Variants in ABCA7 observed in about 807,000 individuals in gnomAD.
The protein encoded by ABCA7 is phospholipid-transporting ATPase ABCA7.
In ABCA7, 261 loss-of-function variants were observed where a neutral mutation model predicts 227.6. The observed-to-expected ratio is 1.15, with a 90% CI of 1.04 to 1.27. The LOEUF (loss-of-function observed/expected upper bound fraction) is 1.27, where lower values mean the gene tolerates loss of function less well. Ranked by LOEUF, ABCA7 falls within the 50% of genes most tolerant of loss-of-function variation. The pLI, the probability that ABCA7 is intolerant of heterozygous loss-of-function variation, is 0.00. For synonymous variants in ABCA7, 1,488 were observed against 1,279.7 expected (o/e 1.16, Z -3.47); for missense variants, 3,331 against 2,924.5 (o/e 1.14, Z -3.21).
rs1406242471 is a variant in ABCA7 at position 1,042,379 on chromosome 19, G to A, written c.480G>A (p.Leu160=). 4.4e-6 allele frequency: 7 copies of A among 1,607,334 alleles called. No individual in the cohort carries two copies. ...EPPMLDVAEL[L]TSLLRTESLG... ...CCATGCTGGATGTCGCGGAGCTGCT[G>A]ACGTCACTGCTGCGCACGGTAGGGT... is the stretch of plus-strand genomic sequence containing the variant. The change falls in exon 6 of 47, where the codon CTG becomes CTA. Residue 160 remains leucine (L), a synonymous_variant. Transcript: ENST00000263094.
intron 13 of ABCA7, 80 bp from the exon 14 acceptor site, chr19:1,046,722 G>A: frequency 7.1e-7 from 1 of 1,404,362 alleles, no homozygotes; most frequent in Non-Finnish European, 9.6e-7. Context: ...CCCGGGACAC[G>A]AACCAGTCGT....
In ABCA7 at chr19:1,041,978, C is replaced by A; in HGVS notation, c.302+6C>A. ...AGCAACTTCAACGACTCCCTGTGAG[C>A]CAGAGGCAGTGGGTGCGGCCGGCCT... On this transcript the variant is annotated splice_donor_region_variant and intron_variant, in intron 4 of 46. Transcript: ENST00000263094. 6.3e-7 allele frequency: 1 copy of A among 1,581,256 alleles called. No homozygotes were observed. The highest frequency in any genetic ancestry group is 8.6e-7 in the Non-Finnish European group (1 of 1,169,344).
chr19:1,062,629 AC>A (rs1395057206), intron 42 of ABCA7, among the ~76,000 whole-genome samples: 1 of 149,440 alleles, frequency 6.7e-6, no homozygotes, highest in Non-Finnish European at 1.5e-5. Context: ...TCTTCTGCCT[AC>A]CCCCTAGGGC....
Position 1,052,234 on chromosome 19 carries a change from C to T in ABCA7, c.3168C>T (p.Gly1056=), listed in dbSNP as rs903511142. The change falls in exon 23 of 47, where the codon GGC becomes GGT. Residue 1056 remains glycine (G), a synonymous_variant. Transcript: ENST00000263094. ...CGCAGGCTGACACTGACATGGAGGG[C>T]AGTGTGGACACCAGGCAGGAAAAGA... is the stretch of plus-strand genomic sequence containing the variant. ...TNEKADTDME[G]SVDTRQEKKN... 9 of 1,570,072 alleles carry T rather than the reference C, an allele frequency of 5.7e-6. No individual in the cohort carries two copies. The highest frequency in any genetic ancestry group is 7.8e-6 in the Non-Finnish European group (9 of 1,158,660).
In ABCA7 at chr19:1,051,269, G is replaced by A; in HGVS notation, c.2799G>A (p.Gln933=). The change falls in exon 20 of 47, where the codon CAG becomes CAA. Residue 933 remains glutamine (Q), a synonymous_variant. Transcript: ENST00000263094. ...LLQDVGLVSK[Q]SVQTRHLSGG... ...AGGATGTGGGGCTGGTCTCCAAGCAGAGTGTGCAGACTCGCCACCTCTCTG... is the reference window on the plus strand; with the variant it reads ...AGGATGTGGGGCTGGTCTCCAAGCAAAGTGTGCAGACTCGCCACCTCTCTG... 6.2e-7 allele frequency: 1 copy of A among 1,606,024 alleles called. No homozygotes were observed. The highest frequency in any genetic ancestry group is 8.5e-7 in the Non-Finnish European group (1 of 1,177,206).
Position 1,065,400 on chromosome 19 carries a change from C to T in ABCA7, c.6416C>T (p.Pro2139Leu), listed in dbSNP as rs747901450. ...CGCGTCAGCCAGTTCCTCGATGACC[C>T]TAGCACTGCCGAGACTGTGCTCTGA... ...PKRVSQFLDDPSTAETVL is the reference protein window; with the variant it reads ...PKRVSQFLDDLSTAETVL Residue 2139 changes from proline to leucine, a missense_variant, in exon 47 of 47, where the codon CCT (proline) becomes CTT (leucine). By Grantham distance (98) the Pro-to-Leu change is moderately conservative (BLOSUM62 -3). Transcript: ENST00000263094. The T allele has an allele frequency of 1.2e-6, 2 of 1,613,458 alleles. No homozygotes were observed. The highest frequency in any genetic ancestry group is 1.7e-6 in the Non-Finnish European group (2 of 1,179,936).
At position 1,058,296 on chromosome 19, in the gene ABCA7, A is replaced by G. The variant is rs377441347; in HGVS notation, c.5149+27A>G. 1.4e-4 allele frequency: 230 copies of G among 1,611,460 alleles called. No individual in the cohort carries two copies. The African/African-American group carries it at 2.7e-3, about 19-fold the overall frequency. On this transcript the variant is annotated intron_variant, in intron 37 of 46. Transcript: ENST00000263094. ...TGAGAACTTCCTGTCAGGTGGGGCC[A>G]TGGCTACAGATAGCTAGCACCCTTG...
chr19:1,044,638 T>C lies in ABCA7; in HGVS notation c.1109T>C (p.Met370Thr), dbSNP rs747465627. 2 of 1,613,188 alleles carry C rather than the reference T, an allele frequency of 1.2e-6. No homozygotes were observed. The highest frequency in any genetic ancestry group is 1.6e-4 in the Middle Eastern group (1 of 6,062). ...CCCAGACCTGGAGGCCGGGACCACA[T>C]GGAGGCCCTGCGATCCTTTCTGGAC... ...RQPRPGGRDHMEALRSFLDPG... is the reference protein window; with the variant it reads ...RQPRPGGRDHTEALRSFLDPG... The change falls in exon 11 of 47, where the codon ATG becomes ACG. Residue 370 changes from methionine (M) to threonine (T), a missense_variant. Coordinates refer to ENST00000263094, the MANE Select transcript of ABCA7 (RefSeq NM_019112.4).
chr19:1,045,425 G>C (rs1162641998), intron 12 of ABCA7, 194 bp downstream of exon 12: 3 of 620,892 alleles, frequency 4.8e-6, no homozygotes, highest in Admixed American at 3.0e-5. Context: ...CTAGGTGCAT[G>C]AGGGGCGTGG....
At position 1,050,986 on chromosome 19, in the gene ABCA7, G is replaced by T. The variant is rs568769264; in HGVS notation, c.2618G>T (p.Arg873Leu). Residue 873 changes from arginine to leucine, a missense_variant, in exon 19 of 47, where the codon CGC (arginine) becomes CTC (leucine). Physicochemically the swap from Arg to Leu is moderately radical, Grantham distance 102. Transcript: ENST00000263094. ...GCCTTCATCCTGGGCCACGACGTCCGCTCCAGCATGGCCGCCATCCGGCCC... is the reference window on the plus strand; with the variant it reads ...GCCTTCATCCTGGGCCACGACGTCCTCTCCAGCATGGCCGCCATCCGGCCC... ...GSAFILGHDV[R>L]SSMAAIRPHL... 6 of 1,612,258 alleles carry T rather than the reference G, an allele frequency of 3.7e-6. No individual in the cohort carries two copies. The highest frequency in any genetic ancestry group is 4.2e-6 in the Non-Finnish European group (5 of 1,179,748).
At chr19:1,055,988 G>A in intron 31 of ABCA7, 49 bp downstream of exon 31, 3 of 1,563,734 alleles carry the variant, frequency 1.9e-6, no homozygotes, top group Non-Finnish European at 2.6e-6. Context: ...CCACTCCCAT[G>A]CCCTCTGCCT....
chr19:1,042,102 G>T lies in ABCA7; in HGVS notation c.341G>T (p.Gly114Val). Residue 114 changes from glycine (G) to valine (V), a missense_variant, in exon 5 of 47, where the codon GGA (glycine) becomes GTA (valine). Transcript: ENST00000263094. ...CTAGCCGATGCCCGCACTGTGCTGG[G>T]AGGGGCCAGTGCCCACAGGACGCTG... ...RLLADARTVL[G>V]GASAHRTLAG... 6.3e-7 allele frequency: 1 copy of T among 1,598,540 alleles called. No homozygotes were observed. Among genetic ancestry groups the T allele is most frequent in the East Asian group, 2.2e-5 (1 of 44,704 alleles).
chr19:1,065,112 G>A lies in ABCA7; in HGVS notation c.6226G>A (p.Val2076Met). ...GGCGCGCGTCTTTGGAGAGCTGGCG[G>A]TGCACGGCGCAGAGCACGGCGTGGA... ...ALARVFGELA[V>M]HGAEHGVEDF... Residue 2076 changes from valine (V) to methionine (M), a missense_variant, in exon 46 of 47, where the codon GTG becomes ATG. By Grantham distance (21) the Val-to-Met change is conservative. Transcript: ENST00000263094. The A allele has an allele frequency of 6.3e-7, 1 of 1,588,822 alleles. No homozygotes were observed. The highest frequency in any genetic ancestry group is 8.6e-7 in the Non-Finnish European group (1 of 1,167,886).
chr19:1,045,445 T>A (rs1035853156), intron 12 of ABCA7: 14 of 586,028 alleles, frequency 2.4e-5, no homozygotes, highest in Non-Finnish European at 6.1e-6. Context: ...GCCATGGGCC[T>A]GAGATAAGAT....
intron 25 of ABCA7, 80 bp downstream of exon 25, chr19:1,053,916 G>A: frequency 6.3e-7 from 1 of 1,595,470 alleles, no homozygotes; most frequent in East Asian, 2.2e-5. Flanking sequence ...GCTTAGTGTG[G>A]CCCAAGGCAT....
chr19:1,040,339 C>T (rs2144656832), intron 1 of ABCA7, 143 bp downstream of exon 1: 1 of 152,374 alleles, frequency 6.6e-6, no homozygotes, highest in Non-Finnish European at 1.5e-5. Context: ...GAATTGATCA[C>T]TGATTCTCAA....
In ABCA7 at chr19:1,056,253, G is replaced by T. The variant is rs562904113; in HGVS notation, c.4416+10G>T. On this transcript the variant is annotated intron_variant, in intron 32 of 46. Coordinates refer to ENST00000263094, the MANE Select transcript of ABCA7 (RefSeq NM_019112.4). The surrounding 1 kb of genome is among the most constrained non-coding windows in gnomAD (Gnocchi z 4.3). ...TCAGGACAGTCTCAAGGTGGGAACTGGGGGGGCAGGTGGGCGTCCTGTCAC... is the reference window on the plus strand; with the variant it reads ...TCAGGACAGTCTCAAGGTGGGAACTTGGGGGGCAGGTGGGCGTCCTGTCAC... The T allele has an allele frequency of 2.5e-6, 4 of 1,588,180 alleles. No homozygotes were observed. Among genetic ancestry groups the T allele is most frequent in the South Asian group, 1.1e-5 (1 of 89,070 alleles).
chr19:1,050,791 T>TAATAAC (rs1183013638), intron 18 of ABCA7, 130 bp from the exon 19 acceptor site: 1 of 158,456 alleles, frequency 6.3e-6, no homozygotes, highest in East Asian at 1.2e-4. Context: ...AAAATAATAA[T>TAATAAC]AATAATAATA....
intron 45 of ABCA7, among the ~76,000 whole-genome samples, 186 bp downstream of exon 45, chr19:1,064,439 A>G (rs1208829554): frequency 6.6e-6 from 1 of 152,086 alleles, no homozygotes; most frequent in Non-Finnish European, 1.5e-5. Context: ...CTGGGGGCGC[A>G]GGACCAGGAG....
Sources: allele counts gnomAD v4.1 joint callset (sites outside exome capture counted in the v4.1 genomes callset), GRCh38; gene constraint gnomAD v4.1.1; non-coding constraint Gnocchi (gnomAD v3.1); transcripts MANE v1.5; gene names NCBI Gene and HGNC (gene_info 2026-07-23, HGNC 2026-07-21).